The following LCLAT1 variants were observed in gnomAD, a reference collection of about 807,000 sequenced individuals.
LCLAT1 encodes 1-AGP acyltransferase 8.
A neutral mutation model predicts 30.7 loss-of-function variants in LCLAT1; 11 were observed. That is an observed-to-expected ratio of 0.36 (90% CI 0.23 to 0.59). The LOEUF is 0.59. Ranked by LOEUF, LCLAT1 falls within the 20% of genes least tolerant of loss-of-function variation. The pLI is 0.77. For missense variants in LCLAT1, 402 were observed against 458.6 expected, an observed-to-expected ratio of 0.88 and a Z score of 1.13; for synonymous variants, 155 against 151.3, an observed-to-expected ratio of 1.02 and a Z score of -0.18.
chr2:30,625,213 A>G (rs1345545322), intron 5 of LCLAT1, among the ~76,000 whole-genome samples: 1 of 152,222 alleles, frequency 6.6e-6, no homozygotes, highest in Non-Finnish European at 1.5e-5. Context: ...ACTCAAACCC[A>G]GCAGAAGAAA....
At chr2:30,629,576 A>T (rs1668674701) in intron 5 of LCLAT1, among the ~76,000 whole-genome samples, 1 of 152,144 alleles carries the variant, frequency 6.6e-6, no homozygotes, top group African/African-American at 2.4e-5. Context: ...ACAAAAAAAA[A>T]TTATATACTT....
At chr2:30,601,447 C>T (rs1367134543) in intron 5 of LCLAT1, among the ~76,000 whole-genome samples, 2 of 152,046 alleles carry the variant, frequency 1.3e-5, no homozygotes, top group Non-Finnish European at 2.9e-5. Flanking sequence ...TGTAAGTGAA[C>T]ATAATTATTA....
At chr2:30,592,827 G>A (rs1487732166) in intron 5 of LCLAT1, among the ~76,000 whole-genome samples, 1 of 150,710 alleles carries the variant, frequency 6.6e-6, no homozygotes, top group African/African-American at 2.4e-5. Context: ...GTATTTTGGG[G>A]GGCATATGTG....
chr2:30,462,676 T>C (rs1682216177), intron 1 of LCLAT1, among the ~76,000 whole-genome samples: 1 of 152,244 alleles, frequency 6.6e-6, no homozygotes, highest in South Asian at 2.1e-4. Context: ...CCTTTGAAGC[T>C]AGAGTTGTTT....
chr2:30,605,922 G>A (rs1181807228), intron 5 of LCLAT1: 5 of 831,886 alleles, frequency 6.0e-6, no homozygotes, highest in East Asian at 1.1e-4. Context: ...CTCATAAGGA[G>A]CGCGCAACCT....
intron 1 of LCLAT1, among the ~76,000 whole-genome samples, chr2:30,455,753 T>C (rs779442446): frequency 2.6e-5 from 4 of 151,372 alleles, no homozygotes; most frequent in Non-Finnish European, 5.9e-5. Flanking sequence ...TAAAAAAAAA[T>C]TAAAAAGTTA....
chr2:30,567,993 A>G, intron 4 of LCLAT1, 67 bp from the exon 5 acceptor site: 1 of 792,456 alleles, frequency 1.3e-6, no homozygotes, highest in African/African-American at 1.8e-5. Context: ...AAAATTCTGC[A>G]CTTCTTTCCT....
intron 1 of LCLAT1, among the ~76,000 whole-genome samples, chr2:30,472,822 C>T (rs1682863302): frequency 6.6e-6 from 1 of 151,980 alleles, no homozygotes; most frequent in South Asian, 2.1e-4. Flanking sequence ...CTTGCCAGTC[C>T]CTCCTACCTG....
intron 3 of LCLAT1, among the ~76,000 whole-genome samples, chr2:30,545,806 G>A (rs921961619): frequency 2.0e-5 from 3 of 152,080 alleles, no homozygotes; most frequent in Non-Finnish European, 2.9e-5. Context: ...GGAAATGCAT[G>A]TGCCAACTGT....
intron 5 of LCLAT1, among the ~76,000 whole-genome samples, chr2:30,632,736 C>T (rs1021029902): frequency 2.0e-5 from 3 of 152,182 alleles, no homozygotes; most frequent in Admixed American, 6.5e-5. Flanking sequence ...CAAAACCCTA[C>T]GAGGGTAGGG....
intron 3 of LCLAT1, among the ~76,000 whole-genome samples, chr2:30,533,916 A>G (rs184298314): frequency 1.3e-4 from 20 of 152,346 alleles, no homozygotes; most frequent in Admixed American, 7.8e-4. Context: ...TTAAAAATAA[A>G]TGGCCTCCTT....
At chr2:30,602,845 C>T (rs1358104356) in intron 5 of LCLAT1, among the ~76,000 whole-genome samples, 1 of 152,110 alleles carries the variant, frequency 6.6e-6, no homozygotes, top group Admixed American at 6.6e-5. Flanking sequence ...CCATCCCTGT[C>T]TTTTGGTTGA....
At chr2:30,494,953 ATTT>A (rs563456939) in intron 1 of LCLAT1, among the ~76,000 whole-genome samples, 1 of 137,916 alleles carries the variant, frequency 7.3e-6, no homozygotes, top group African/African-American at 2.7e-5. Context: ...ATGAAGTGTG[ATTT>A]TTTTTTTTTT....
At chr2:30,627,609 C>A (rs1668573790) in intron 5 of LCLAT1, among the ~76,000 whole-genome samples, 3 of 152,136 alleles carry the variant, frequency 2.0e-5, no homozygotes, top group Non-Finnish European at 4.4e-5. Flanking sequence ...TAGTTTTTAT[C>A]ACTGGAGTTG....
intron 5 of LCLAT1, among the ~76,000 whole-genome samples, chr2:30,589,066 A>C (rs1275751956): frequency 6.6e-6 from 1 of 152,232 alleles, no homozygotes; most frequent in East Asian, 1.9e-4. Context: ...CATTTTGTAA[A>C]TTCTGCAAAT....
At chr2:30,576,305 T>C (rs1232611363) in intron 5 of LCLAT1, among the ~76,000 whole-genome samples, 1 of 152,126 alleles carries the variant, frequency 6.6e-6, no homozygotes, top group Non-Finnish European at 1.5e-5. Context: ...TAAAGAATAT[T>C]GTTACATACA....
intron 5 of LCLAT1, among the ~76,000 whole-genome samples, chr2:30,634,036 T>C (rs1668900372): frequency 6.6e-6 from 1 of 152,234 alleles, no homozygotes; most frequent in Admixed American, 6.5e-5. Flanking sequence ...GATATTACAT[T>C]TGTAAAATTC....
intron 1 of LCLAT1, among the ~76,000 whole-genome samples, chr2:30,521,486 CTTCTTCTTTTTTTTTT>C (rs1437833093): frequency 1.9e-4 from 5 of 25,852 alleles, no homozygotes; most frequent in African/African-American, 9.3e-4. Flanking sequence ...CCCTAAACTA[CTTCTTCTTTTTTTTTT>C]TTTTTTTTTT....
intron 5 of LCLAT1, chr2:30,606,556 C>T (rs1196766427): frequency 7.0e-6 from 1 of 142,408 alleles, no homozygotes; most frequent in South Asian, 2.5e-4. Flanking sequence ...TGAAACTGGA[C>T]CCCTTCCTTA....
Sources: allele counts gnomAD v4.1 joint callset (sites outside exome capture counted in the v4.1 genomes callset), GRCh38; gene constraint gnomAD v4.1.1; transcripts MANE v1.5; gene names NCBI Gene and HGNC (gene_info 2026-07-23, HGNC 2026-07-21).